Variants in VWCE observed in about 807,000 individuals in gnomAD.
VWCE encodes von Willebrand factor C and EGF domains.
VWCE carries 68 observed loss-of-function variants against 102.9 expected under a neutral mutation model. The ratio of observed to expected loss-of-function variants is 0.66; its 90% confidence interval spans 0.54 to 0.81. The LOEUF (loss-of-function observed/expected upper bound fraction) is 0.81, where lower values mean the gene tolerates loss of function less well. Among genes scored for constraint, VWCE ranks in the 30% least tolerant of loss-of-function variants. The pLI, the probability that VWCE is intolerant of heterozygous loss-of-function variation, is 0.00. For synonymous variants in VWCE, 497 were observed against 515.4 expected, an observed-to-expected ratio of 0.96 and a Z score of 0.48; for missense variants, 1,137 against 1,263.6, an observed-to-expected ratio of 0.90 and a Z score of 1.52.
rs145881071 is a variant in VWCE at position 61,274,511 on chromosome 11, G to A, written c.1569C>T (p.Thr523=). The A allele has an allele frequency of 1.2e-6, 2 of 1,613,114 alleles. No individual in the cohort carries two copies. Among genetic ancestry groups the A allele is most frequent in the Non-Finnish European group, 1.7e-6 (2 of 1,179,684 alleles). Reference sequence around the variant, plus strand: ...TCAGCCACCATACCTGGCAAACACAGGTGGTACACTCGTCACCACCCCCAC... The same window carrying A: ...TCAGCCACCATACCTGGCAAACACAAGTGGTACACTCGTCACCACCCCCAC... ...VFSGGGDECT[T]CVCQNGEVEC... Residue 523 remains threonine (T), a synonymous_variant, in exon 12 of 20, where the codon ACC becomes ACT. Coordinates refer to ENST00000335613, the MANE Select transcript of VWCE (RefSeq NM_152718.2).
In VWCE at chr11:61,285,881, G is replaced by A. The variant is rs140322858; in HGVS notation, c.541+433C>T. ...CAGTTTTCCTGCCTCAGCCTCCCGA[G>A]TAGCTGGGATTACAGGTGCTCGCCA... On this transcript the variant is annotated intron_variant, in intron 5 of 19. Transcript: ENST00000335613. Among the ~76,000 whole-genome samples the A allele has an allele frequency of 3.3e-3, 501 of 152,296 alleles. 5 individuals carry two copies. The highest frequency in any genetic ancestry group is 0.012 in the African/African-American group (486 of 41,564).
At chr11:61,259,355 C>T (rs1226423607) in intron 19 of VWCE, 43 bp from the exon 20 acceptor site, 2 of 1,531,108 alleles carry the variant, frequency 1.3e-6, no homozygotes, top group Non-Finnish European at 1.8e-6. Context: ...TGGCTCTCTC[C>T]AGTGGCCAAG....
intron 3 of VWCE, 22 bp from the exon 4 acceptor site, chr11:61,290,949 T>G: frequency 6.2e-7 from 1 of 1,608,114 alleles, no homozygotes; most frequent in Non-Finnish European, 8.5e-7. Context: ...ATCACACCAG[T>G]GAGCATGCAC....
At position 61,265,171 on chromosome 11, in the gene VWCE, G is replaced by C. The variant is rs117546835; in HGVS notation, c.2007C>G (p.Thr669=). 2,025 of 1,543,444 alleles carry C rather than the reference G, an allele frequency of 1.3e-3. 35 individuals carry two copies. The East Asian group carries it at 0.03, about 23-fold the overall frequency. Residue 669 remains threonine, a synonymous_variant, in exon 17 of 20, where the codon ACC becomes ACG. Transcript: ENST00000335613. ...VACSPVDCPI[T]CTYPFHPDGE... is the part of the protein sequence containing the mutation. ...CGTCAGGGTGGAAAGGGTAGGTACA[G>C]GTGATGGGGCAGTCCACGGGGGAAC...
At chr11:61,289,134 G>A (rs988969402) in intron 4 of VWCE, among the ~76,000 whole-genome samples, 3 of 151,426 alleles carry the variant, frequency 2.0e-5, no homozygotes, top group Non-Finnish European at 4.4e-5. Context: ...CACCGTGCCC[G>A]GCCCTATGGC....
intron 6 of VWCE, 62 bp downstream of exon 6, chr11:61,282,727 C>T: frequency 7.3e-7 from 1 of 1,375,138 alleles, no homozygotes; most frequent in Non-Finnish European, 1.0e-6. Flanking sequence ...TCCCTGGGCT[C>T]CCTGTCCATC....
chr11:61,265,071 AGCCGAG>A, intron 17 of VWCE, 33 bp from the exon 18 acceptor site: 1 of 1,613,924 alleles, frequency 6.2e-7, no homozygotes, highest in Non-Finnish European at 8.5e-7. Context: ...AGCCCATGAG[AGCCGAG>A]GCCTGGCCGG....
chr11:61,294,949 G>T lies in VWCE; in HGVS notation c.89C>A (p.Pro30His). 1 of 1,454,362 alleles carries T rather than the reference G, an allele frequency of 6.9e-7. No homozygotes were observed. The highest frequency in any genetic ancestry group is 9.1e-7 in the Non-Finnish European group (1 of 1,103,162). 90.1% of individuals were successfully genotyped at this position (1,454,362 alleles called of 1,614,324 possible). The change falls in exon 1 of 20, where the codon CCC becomes CAC. Residue 30 changes from proline to histidine, a missense_variant. This residue lies in a region of VWCE where 575 missense variants were observed against 625.9 expected (regional missense o/e 0.92). Coordinates refer to ENST00000335613, the MANE Select transcript of VWCE (RefSeq NM_152718.2). This position sits in a 1 kb window ranked among gnomAD's most constrained non-coding sequence, Gnocchi z 6.3. ...TTACCTCTCGGCCGCGAAGTGCCCGGGCGGCTTCCTCCCGGTGTAGCCTCG... is the reference window on the plus strand; with the variant it reads ...TTACCTCTCGGCCGCGAAGTGCCCGTGCGGCTTCCTCCCGGTGTAGCCTCG... Reference protein sequence around the residue: ...PARGYTGRKPPGHFAAERRRL... With the variant: ...PARGYTGRKPHGHFAAERRRL...
intron 5 of VWCE, 194 bp downstream of exon 5, chr11:61,286,120 A>G: frequency 1.5e-6 from 1 of 646,320 alleles, no homozygotes; most frequent in Non-Finnish European, 2.8e-6. Flanking sequence ...CTTACTAACG[A>G]CTTGGCCTTG....
chr11:61,273,781 A>G, intron 12 of VWCE: 1 of 161,482 alleles, frequency 6.2e-6, no homozygotes, highest in Non-Finnish European at 1.3e-5. Flanking sequence ...GATGGTCACC[A>G]CCCCCACTCC....
At chr11:61,271,605 A>G (rs750604507) in intron 14 of VWCE, 70 bp downstream of exon 14, 411 of 1,467,394 alleles carry the variant, frequency 2.8e-4, no homozygotes, top group Non-Finnish European at 3.5e-4. Context: ...AGGGGCCAGG[A>G]CGCTTGTCTC....
At position 61,294,890 on chromosome 11, in the gene VWCE, CCCGGGCGGGGGAGCGGGGAGGAGCT is replaced by C; in HGVS notation, c.110+13_110+37del. 1 of 1,341,382 alleles carries C rather than the reference CCCGGGCGGGGGAGCGGGGAGGAGCT, an allele frequency of 7.5e-7. No homozygotes were observed. Among genetic ancestry groups the C allele is most frequent in the East Asian group, 3.0e-5 (1 of 32,864 alleles). The allele number at this position is 1,341,382 out of a possible 1,614,324, so 83.1% of individuals were successfully genotyped here. ...CTCGACTGCACGCCGGTAGCGCTCT[CCCGGGCGGGGGAGCGGGGAGGAGCT>C]CCGGGCGCTTACCTCTCGGCCGCGA... On this transcript the variant is annotated intron_variant, in intron 1 of 19. Transcript: ENST00000335613. This position sits in a 1 kb window ranked among gnomAD's most constrained non-coding sequence, Gnocchi z 6.3.
At chr11:61,279,510 C>T (rs1341770347) in intron 9 of VWCE, among the ~76,000 whole-genome samples, 3 of 150,840 alleles carry the variant, frequency 2.0e-5, no homozygotes, top group African/African-American at 7.3e-5. Flanking sequence ...TGCAGTGAGC[C>T]GAGATCACAC....
In VWCE at chr11:61,259,069, G is replaced by A. The variant is rs150720177; in HGVS notation, c.2474C>T (p.Ser825Leu). 8.7e-6 allele frequency: 14 copies of A among 1,613,906 alleles called. No homozygotes were observed. In the African/African-American group the frequency reaches 1.6e-4, roughly 18 times the overall value. Residue 825 changes from serine to leucine, a missense_variant, in exon 20 of 20, where the codon TCA becomes TTA. Physicochemically the swap from Ser to Leu is moderately radical, Grantham distance 145. Transcript: ENST00000335613. ...TSPAGAHGPH[S>L]LALGLTATFP... ...AGTGGCTGTCAGCCCCAAAGCGAGTGAGTGTGGACCATGAGCTCCTGCCGG... is the reference window on the plus strand; with the variant it reads ...AGTGGCTGTCAGCCCCAAAGCGAGTAAGTGTGGACCATGAGCTCCTGCCGG...
chr11:61,287,763 G>A (rs1855379536), intron 4 of VWCE, among the ~76,000 whole-genome samples: 1 of 152,186 alleles, frequency 6.6e-6, no homozygotes, highest in Non-Finnish European at 1.5e-5. Flanking sequence ...GTGCTTCCAG[G>A]CAGCAGCTGG....
At chr11:61,284,616 G>T (rs1855254966) in intron 5 of VWCE, among the ~76,000 whole-genome samples, 1 of 152,148 alleles carries the variant, frequency 6.6e-6, no homozygotes, top group Admixed American at 6.5e-5. Flanking sequence ...GAGGTCATGA[G>T]GGTGTGCCCT....
chr11:61,268,034 T>G (rs1854563353), intron 15 of VWCE, among the ~76,000 whole-genome samples: 1 of 151,766 alleles, frequency 6.6e-6, no homozygotes, highest in Non-Finnish European at 1.5e-5. Context: ...CATATACTGC[T>G]AAGTGTAAAA....
At chr11:61,268,604 G>A (rs149601612) in intron 15 of VWCE, among the ~76,000 whole-genome samples, 28 of 152,290 alleles carry the variant, frequency 1.8e-4, no homozygotes, top group African/African-American at 6.5e-4. Flanking sequence ...TGAAATCATG[G>A]AAAAGGTAAA....
chr11:61,286,963 G>A (rs1262474678), intron 4 of VWCE, among the ~76,000 whole-genome samples: 3 of 151,942 alleles, frequency 2.0e-5, no homozygotes, highest in Non-Finnish European at 2.9e-5. Context: ...TGGGCGCGGT[G>A]GCGGGCACCT....
Sources: gnomAD v4.1 joint callset for allele counts (sites outside exome capture counted in the v4.1 genomes callset) on GRCh38, gnomAD v4.1.1 for gene constraint, gnomAD v4.1.1 regional missense constraint, Gnocchi (gnomAD v3.1) non-coding constraint, MANE v1.5 for transcripts, NCBI Gene and HGNC (gene_info 2026-07-23, HGNC 2026-07-21) for gene names.